ZCCHC2: variants seen among roughly 807,000 people sequenced by gnomAD.
ZCCHC2 encodes zinc finger CCHC domain-containing protein 2.
A neutral mutation model predicts 103.6 loss-of-function variants in ZCCHC2; 39 were observed. That is an observed-to-expected ratio of 0.38 (90% confidence interval 0.29 to 0.49). The LOEUF is 0.49. Among genes scored for constraint, ZCCHC2 ranks in the 20% least tolerant of loss-of-function variants. ZCCHC2 has a pLI of 0.96. For missense variants in ZCCHC2, 1,483 were observed against 1,491.0 expected (o/e 0.99, Z 0.09); for synonymous variants, 687 against 608.9 (o/e 1.13, Z -1.89).
rs1224399535 is a variant in ZCCHC2, at chr18:62,578,102, A to AT, written c.*1524dup. 1.3e-5 allele frequency: 2 copies of AT among 152,630 alleles called. No homozygotes were observed. The highest frequency in any genetic ancestry group is 4.8e-5 in the African/African-American group (2 of 41,460). The allele number at this position is 152,630 out of a possible 1,614,324, so 9.5% of individuals were successfully genotyped here. ...AAAAAGAAGCTTAATTTCATGCTTC[A>AT]TAAGTAGCATTTATATTTATAGCAC... On this transcript the variant is annotated 3_prime_UTR_variant, in exon 14 of 14. Transcript: ENST00000269499.
intron 4 of ZCCHC2, among the ~76,000 whole-genome samples, chr18:62,549,699 A>T (rs1488530558): frequency 1.3e-5 from 2 of 152,220 alleles, no homozygotes; most frequent in African/African-American, 4.8e-5. Flanking sequence ...TTAAAACCTA[A>T]AAGTTTTATT....
chr18:62,551,657 A>T (rs540615280), intron 5 of ZCCHC2: 4 of 153,322 alleles, frequency 2.6e-5, no homozygotes, highest in African/African-American at 9.6e-5. Context: ...GAGTGAGTGG[A>T]TCTGGAGGTG....
At chr18:62,564,707 A>G (rs746504771) in intron 10 of ZCCHC2, 72 bp downstream of exon 10, 33 of 1,135,932 alleles carry the variant, frequency 2.9e-5, no homozygotes, top group South Asian at 2.2e-4. Context: ...ATAGTATACA[A>G]CATAGTATTT....
chr18:62,550,384 A>AC lies in ZCCHC2; in HGVS notation c.1239dup (p.Ile414HisfsTer19). On this transcript the variant is annotated frameshift_variant, in exon 5 of 14. Coordinates refer to ENST00000269499, the MANE Select transcript of ZCCHC2 (RefSeq NM_017742.6). LOFTEE classifies it high-confidence loss of function. ...ACTGTCTTCAGAGACTTTTGACAAGACCATCTTAAGAGCCCTGAATCAGGG... is the reference window on the plus strand; with the variant it reads ...ACTGTCTTCAGAGACTTTTGACAAGACCCATCTTAAGAGCCCTGAATCAGGG... The AC allele has an allele frequency of 6.2e-7, 1 of 1,613,862 alleles. No individual in the cohort carries two copies. Among genetic ancestry groups the AC allele is most frequent in the Non-Finnish European group, 8.5e-7 (1 of 1,179,846 alleles).
Position 62,524,077 on chromosome 18 carries a change from A to T in ZCCHC2, c.653A>T (p.Glu218Val). Residue 218 changes from glutamate (E) to valine (V), a missense_variant, in exon 1 of 14, where the codon GAG becomes GTG. By Grantham distance (121) the Glu-to-Val change is moderately radical. This residue lies in a region of ZCCHC2 where 568 missense variants were observed against 525.1 expected (regional missense o/e 1.08). Coordinates refer to ENST00000269499, the MANE Select transcript of ZCCHC2 (RefSeq NM_017742.6). ...GGCGAGGGCTCGCGGGGCGGCGCGG[A>T]GGACGAGCGCGGCGAGGACGGCGAC... Reference protein sequence around the residue: ...ARGEGSRGGAEDERGEDGDGE... With the variant: ...ARGEGSRGGAVDERGEDGDGE... 6.6e-7 allele frequency: 1 copy of T among 1,504,464 alleles called. No individual in the cohort carries two copies. 93.2% of individuals were successfully genotyped at this position (1,504,464 alleles called of 1,614,324 possible).
intron 11 of ZCCHC2, 119 bp downstream of exon 11, chr18:62,565,215 G>A (rs1300576241): frequency 1.4e-6 from 1 of 740,400 alleles, no homozygotes; most frequent in Non-Finnish European, 2.2e-6. Flanking sequence ...TTTACCTTGT[G>A]TTGATATGTA....
downstream of ZCCHC2, among the ~76,000 whole-genome samples, chr18:62,582,816 C>G (rs55801698): frequency 0.16 from 24,032 of 150,706 alleles, 2,108 homozygotes; most frequent in East Asian, 0.23. Context: ...TTTTAAGAGA[C>G]AGGGCCAGGC....
intron 11 of ZCCHC2, among the ~76,000 whole-genome samples, chr18:62,565,872 T>G (rs963411086): frequency 6.6e-6 from 1 of 152,184 alleles, no homozygotes; most frequent in Non-Finnish European, 1.5e-5. Flanking sequence ...CTTAAAAGTT[T>G]TGAGTATATT....
chr18:62,535,619 G>C (rs1217731325), intron 1 of ZCCHC2, among the ~76,000 whole-genome samples: 2 of 152,178 alleles, frequency 1.3e-5, no homozygotes, highest in Non-Finnish European at 2.9e-5. Context: ...GCCAGGAGAA[G>C]TGCATGTCTC....
In ZCCHC2 at chr18:62,575,148, A is replaced by G; in HGVS notation, c.3067A>G (p.Thr1023Ala). Residue 1023 changes from threonine (T) to alanine (A), a missense_variant, in exon 13 of 14, where the codon ACC becomes GCC. Around this residue, in one of 3 missense-constraint regions of ZCCHC2, gnomAD observed 884 missense variants for 907.5 expected, o/e 0.97. Coordinates refer to ENST00000269499, the MANE Select transcript of ZCCHC2 (RefSeq NM_017742.6). ...TTGTGGGCGAAGGTGCAGCTGTGGG[A>G]CCAATGGAAACCTTCAGCTAAATAG... ...GSCGRRCSCG[T>A]NGNLQLNSYY... 6.2e-7 allele frequency: 1 copy of G among 1,614,010 alleles called. No individual in the cohort carries two copies. The highest frequency in any genetic ancestry group is 1.1e-5 in the South Asian group (1 of 91,082).
intron 1 of ZCCHC2, chr18:62,525,016 G>A (rs1215967923): frequency 6.6e-6 from 1 of 152,248 alleles, no homozygotes; most frequent in African/African-American, 2.4e-5. Context: ...CCTGCGAATG[G>A]ATCTGAGATG....
Position 62,523,379 on chromosome 18 carries a change from C to CG in ZCCHC2, c.-46_-45insG. 4.1e-6 allele frequency: 1 copy of CG among 245,506 alleles called. No individual in the cohort carries two copies. Among genetic ancestry groups the CG allele is most frequent in the Non-Finnish European group, 6.6e-6 (1 of 152,098 alleles). 15.2% of individuals were successfully genotyped at this position (245,506 alleles called of 1,614,324 possible). A position where few individuals can be genotyped will look rare whatever the true frequency, so the allele number is the denominator to read the frequency against. ...TCGGCCCGTGCTCCACCTCGCGGCCCCTCCCGCCCGCCCCCGCTCGCATGT... is the reference window on the plus strand; with the variant it reads ...TCGGCCCGTGCTCCACCTCGCGGCCCGCTCCCGCCCGCCCCCGCTCGCATGT... On this transcript the variant is annotated 5_prime_UTR_variant, in exon 1 of 14. Transcript: ENST00000269499.
At position 62,565,002 on chromosome 18, in the gene ZCCHC2, G is replaced by T. The variant is rs1598958996; in HGVS notation, c.1752G>T (p.Lys584Asn). The T allele has an allele frequency of 3.1e-6, 5 of 1,605,690 alleles. No homozygotes were observed. The East Asian group carries it at 6.7e-5, about 22-fold the overall frequency. The change falls in exon 11 of 14, where the codon AAG becomes AAT. Residue 584 changes from lysine (K) to asparagine (N), a missense_variant and splice_region_variant. Physicochemically the swap from Lys to Asn is moderately conservative, Grantham distance 94 (BLOSUM62 0). Transcript: ENST00000269499. ...NKKKGKPQTE[K>N]EKIKKTDNRL... ...TTGGCAATATGTTCATTTGGTTTAG[G>T]GAGAAAATTAAGAAAACTGACAACA...
At chr18:62,524,675 A>G (rs1598921420) in intron 1 of ZCCHC2, 3 of 382,068 alleles carry the variant, frequency 7.9e-6, no homozygotes, top group Non-Finnish European at 4.6e-6. Flanking sequence ...TCTCGGAGGA[A>G]AAGTGTCGGG....
Position 62,544,788 on chromosome 18 carries a change from T to G in ZCCHC2, c.1129-14T>G. ...GGGAATAACCATATAATATGTGTGT[T>G]TTTTTTAAATCAGGTAAATTGGTCT... is the stretch of plus-strand genomic sequence containing the variant. On this transcript the variant is annotated splice_polypyrimidine_tract_variant and intron_variant, in intron 3 of 13. Coordinates refer to ENST00000269499, the MANE Select transcript of ZCCHC2 (RefSeq NM_017742.6). 5 of 1,539,082 alleles carry G rather than the reference T, an allele frequency of 3.2e-6. No individual in the cohort carries two copies. The highest frequency in any genetic ancestry group is 3.5e-6 in the Non-Finnish European group (4 of 1,143,760).
chr18:62,574,428 G>A lies in ZCCHC2; in HGVS notation c.2347G>A (p.Glu783Lys), dbSNP rs780468696. The A allele has an allele frequency of 6.2e-7, 1 of 1,613,984 alleles. No individual in the cohort carries two copies. Among genetic ancestry groups the A allele is most frequent in the Non-Finnish European group, 8.5e-7 (1 of 1,179,904 alleles). ...LGPTACTGES[E>K]KHLELLASPL... Reference sequence around the variant, plus strand: ...GCCAACAGCTTGCACTGGAGAATCGGAAAAGCACCTTGAGTTACTGGCTTC... The same window carrying A: ...GCCAACAGCTTGCACTGGAGAATCGAAAAAGCACCTTGAGTTACTGGCTTC... The change falls in exon 13 of 14, where the codon GAA (glutamate) becomes AAA (lysine). Residue 783 changes from glutamate (E) to lysine (K), a missense_variant. By Grantham distance (56) the Glu-to-Lys change is moderately conservative. Transcript: ENST00000269499.
chr18:62,524,511 C>T (rs1469175382), intron 1 of ZCCHC2, 148 bp downstream of exon 1: 2 of 1,283,794 alleles, frequency 1.6e-6, no homozygotes, highest in Non-Finnish European at 2.0e-6. Context: ...CGCCAGAGGG[C>T]TGAGCTTCGT....
At chr18:62,543,754 A>G (rs1214135294) in intron 3 of ZCCHC2, among the ~76,000 whole-genome samples, 1 of 152,116 alleles carries the variant, frequency 6.6e-6, no homozygotes, top group African/African-American at 2.4e-5. Context: ...CAAAGCACTG[A>G]TCACTGATGG....
chr18:62,565,185 T>C, intron 11 of ZCCHC2, 89 bp downstream of exon 11: 1 of 966,424 alleles, frequency 1.0e-6, no homozygotes, highest in Non-Finnish European at 1.6e-6. Context: ...AGCTGTTGTG[T>C]CAAATCCTAA....
Sources: gnomAD v4.1 joint callset for allele counts (sites outside exome capture counted in the v4.1 genomes callset) on GRCh38, gnomAD v4.1.1 for gene constraint, gnomAD v4.1.1 regional missense constraint, MANE v1.5 for transcripts, NCBI Gene and HGNC (gene_info 2026-07-23, HGNC 2026-07-21) for gene names.